RREB1: variants seen among roughly 807,000 people sequenced by gnomAD.
RREB1 encodes the protein ras-responsive element-binding protein 1.
A neutral mutation model predicts 117.8 loss-of-function variants in RREB1; 27 were observed. That is an observed-to-expected ratio of 0.23 (90% CI 0.17 to 0.32). The LOEUF is 0.32. Among genes scored for constraint, RREB1 ranks in the 10% least tolerant of loss-of-function variants. The pLI is 1.00. For missense variants in RREB1, 2,577 were observed against 2,378.2 expected, an observed-to-expected ratio of 1.08 and a Z score of -1.74; for synonymous variants, 1,298 against 1,026.7, an observed-to-expected ratio of 1.26 and a Z score of -5.05.
intron 1 of RREB1, among the ~76,000 whole-genome samples, chr6:7,120,759 A>G (rs928543059): frequency 1.5e-4 from 21 of 143,892 alleles, no homozygotes; most frequent in Non-Finnish European, 3.0e-4. Context: ...TGATCCTCCC[A>G]CCTCAGCCTC....
At chr6:7,225,001 G>T (rs1302255897) in intron 8 of RREB1, among the ~76,000 whole-genome samples, 1 of 152,254 alleles carries the variant, frequency 6.6e-6, no homozygotes, top group South Asian at 2.1e-4. Flanking sequence ...GCTACAGCGC[G>T]ATAAGGCAAG....
Position 7,251,605 on chromosome 6 carries a change from A to G in RREB1, c.*2637A>G, listed in dbSNP as rs1484881664. 6.6e-6 allele frequency: 1 copy of G among 151,546 alleles called. No homozygotes were observed. Among genetic ancestry groups the G allele is most frequent in the African/African-American group, 2.4e-5 (1 of 41,200 alleles). The allele number at this position is 151,546 out of a possible 1,614,324, so 9.4% of individuals were successfully genotyped here. A position where few individuals can be genotyped will look rare whatever the true frequency, so the allele number is the denominator to read the frequency against. ...CAACCCAGAGGGCTGTGTTCCAAGC[A>G]GCGCTGGGGAAGCTACGTAACAGTC... On this transcript the variant is annotated 3_prime_UTR_variant, in exon 13 of 13. Transcript: ENST00000379938.
chr6:7,171,068 T>A (rs1440373765), intron 1 of RREB1, among the ~76,000 whole-genome samples: 1 of 152,174 alleles, frequency 6.6e-6, no homozygotes, highest in Non-Finnish European at 1.5e-5. Flanking sequence ...CCCTGCCTCG[T>A]GTTGGTGGAT....
chr6:7,195,382 C>A (rs1365314900), intron 6 of RREB1, among the ~76,000 whole-genome samples: 1 of 152,076 alleles, frequency 6.6e-6, no homozygotes, highest in Non-Finnish European at 1.5e-5. Flanking sequence ...AGAACACTTA[C>A]AAAAATGTGC....
At chr6:7,223,466 C>T (rs1016263318) in intron 8 of RREB1, among the ~76,000 whole-genome samples, 2 of 146,120 alleles carry the variant, frequency 1.4e-5, no homozygotes, top group African/African-American at 2.6e-5. Flanking sequence ...GAGGCTGAAG[C>T]GGGAGAATCA....
At chr6:7,144,559 C>T (rs1762773339) in intron 1 of RREB1, among the ~76,000 whole-genome samples, 1 of 150,766 alleles carries the variant, frequency 6.6e-6, no homozygotes, top group Non-Finnish European at 1.5e-5. Context: ...CATTCTTTGG[C>T]CCTGTGTAAT....
At position 7,249,948 on chromosome 6, in the gene RREB1, G is replaced by A. The variant is rs964439690; in HGVS notation, c.*980G>A. ...GCCTGCGGTTGTGGTTGGCACCCTC[G>A]GGTGGTAGCTCTTCTACTGTAATGA... On this transcript the variant is annotated 3_prime_UTR_variant, in exon 13 of 13. Transcript: ENST00000379938. The A allele has an allele frequency of 3.3e-5, 5 of 152,514 alleles. No individual in the cohort carries two copies. Among genetic ancestry groups the A allele is most frequent in the East Asian group, 1.9e-4 (1 of 5,196 alleles). The allele number at this position is 152,514 out of a possible 1,614,324, so 9.4% of individuals were successfully genotyped here. A position where few individuals can be genotyped will look rare whatever the true frequency, so the allele number is the denominator to read the frequency against.
In RREB1 at chr6:7,246,378, C is replaced by G. The variant is rs1475582718; in HGVS notation, c.3974-46C>G. 6.3e-6 allele frequency: 9 copies of G among 1,422,380 alleles called. 1 individual carries two copies. The highest frequency in any genetic ancestry group is 2.6e-5 in the East Asian group (1 of 39,018). 88.1% of individuals were successfully genotyped at this position (1,422,380 alleles called of 1,614,324 possible). A position where few individuals can be genotyped will look rare whatever the true frequency, so the allele number is the denominator to read the frequency against. ...CGGCGACATCCCTGGCATGGGCGTACCTGGTGGTGCCCCTCTGAGCCCTCC... is the reference window on the plus strand; with the variant it reads ...CGGCGACATCCCTGGCATGGGCGTAGCTGGTGGTGCCCCTCTGAGCCCTCC... On this transcript the variant is annotated intron_variant, in intron 11 of 12. Coordinates refer to ENST00000379938, the MANE Select transcript of RREB1 (RefSeq NM_001003699.4).
At chr6:7,133,160 TTA>T (rs1340634448) in intron 1 of RREB1, among the ~76,000 whole-genome samples, 1 of 152,164 alleles carries the variant, frequency 6.6e-6, no homozygotes, top group African/African-American at 2.4e-5. Context: ...TTTCTTTTCC[TTA>T]TACCTCCTTA....
intron 1 of RREB1, among the ~76,000 whole-genome samples, chr6:7,133,837 A>T (rs1762247710): frequency 6.6e-6 from 1 of 152,202 alleles, no homozygotes; most frequent in African/African-American, 2.4e-5. Flanking sequence ...TTGATACTTT[A>T]CTATTTCCTT....
chr6:7,199,466 A>G (rs1469414013), intron 6 of RREB1, among the ~76,000 whole-genome samples: 1 of 152,216 alleles, frequency 6.6e-6, no homozygotes, highest in South Asian at 2.1e-4. Context: ...AATTGGGGCA[A>G]CGTAGACTGC....
chr6:7,187,234 G>A (rs926542048), intron 4 of RREB1, among the ~76,000 whole-genome samples, 200 bp from the exon 5 acceptor site: 2 of 152,178 alleles, frequency 1.3e-5, no homozygotes, highest in Admixed American at 6.5e-5. Flanking sequence ...TATGGTAGGT[G>A]GTACTGTTTT....
chr6:7,174,183 A>G (rs1581490660), intron 1 of RREB1, among the ~76,000 whole-genome samples: 1 of 124,352 alleles, frequency 8.0e-6, no homozygotes, highest in Admixed American at 8.4e-5. Flanking sequence ...AGCATTGTTG[A>G]TGGAGGTAAG....
Position 7,249,030 on chromosome 6 carries a change from G to T in RREB1, c.*62G>T. 7.6e-7 allele frequency: 1 copy of T among 1,307,672 alleles called. No homozygotes were observed. The highest frequency in any genetic ancestry group is 1.0e-6 in the Non-Finnish European group (1 of 984,204). 81.0% of individuals were successfully genotyped at this position (1,307,672 alleles called of 1,614,324 possible). Reference sequence around the variant, plus strand: ...AGAGCAAAGCGTCTATACTTCATGGGGTTTCCTCAGTGCCCTTTGGCTGTT... The same window carrying T: ...AGAGCAAAGCGTCTATACTTCATGGTGTTTCCTCAGTGCCCTTTGGCTGTT... On this transcript the variant is annotated 3_prime_UTR_variant, in exon 13 of 13. Transcript: ENST00000379938.
intron 4 of RREB1, 61 bp from the exon 5 acceptor site, chr6:7,187,373 A>G: frequency 9.4e-7 from 1 of 1,068,826 alleles, no homozygotes; most frequent in Non-Finnish European, 1.4e-6. Flanking sequence ...TATTACAGAA[A>G]GAAAAGGCAC....
At chr6:7,170,558 C>A (rs1764159320) in intron 1 of RREB1, among the ~76,000 whole-genome samples, 1 of 152,210 alleles carries the variant, frequency 6.6e-6, no homozygotes, top group African/African-American at 2.4e-5. Context: ...CTTTTAGGAT[C>A]CAGGGCTGCG....
chr6:7,167,104 T>C (rs1372074539), intron 1 of RREB1, among the ~76,000 whole-genome samples: 1 of 152,062 alleles, frequency 6.6e-6, no homozygotes, highest in Non-Finnish European at 1.5e-5. Flanking sequence ...AGCAGCTTGG[T>C]GAATATAGGG....
chr6:7,109,401 G>T (rs1037969791), intron 1 of RREB1, among the ~76,000 whole-genome samples: 3 of 152,124 alleles, frequency 2.0e-5, no homozygotes, highest in Non-Finnish European at 4.4e-5. Flanking sequence ...CTGGGAAGCG[G>T]CGTGTTTTCT....
At chr6:7,165,108 C>T (rs754231531) in intron 1 of RREB1, among the ~76,000 whole-genome samples, 42 of 152,294 alleles carry the variant, frequency 2.8e-4, no homozygotes, top group Admixed American at 7.2e-4. Flanking sequence ...GAGTGCTATC[C>T]GTTGGACTTG....
Sources: gnomAD v4.1 joint callset for allele counts (sites outside exome capture counted in the v4.1 genomes callset) on GRCh38, gnomAD v4.1.1 for gene constraint, MANE v1.5 for transcripts, NCBI Gene and HGNC (gene_info 2026-07-23, HGNC 2026-07-21) for gene names.